Variants in CDH23 observed in about 807,000 individuals in gnomAD.
CDH23 encodes the protein cadherin-23.
In CDH23, 189 loss-of-function variants were observed where a neutral mutation model predicts 317.1. That is an observed-to-expected ratio of 0.60 (90% CI 0.53 to 0.67). The LOEUF (loss-of-function observed/expected upper bound fraction) is 0.67, where lower values mean the gene tolerates loss of function less well. CDH23 is among the 30% of genes least tolerant of loss of function. The pLI, the probability that CDH23 is intolerant of heterozygous loss-of-function variation, is 0.00. For missense variants in CDH23, 4,401 were observed against 4,592.4 expected, an observed-to-expected ratio of 0.96 and a Z score of 1.20; for synonymous variants, 1,839 against 1,876.8, an observed-to-expected ratio of 0.98 and a Z score of 0.52.
At chr10:71,442,964 G>A (rs1453948027) in intron 2 of CDH23, among the ~76,000 whole-genome samples, 1 of 152,190 alleles carries the variant, frequency 6.6e-6, no homozygotes, top group Non-Finnish European at 1.5e-5. Context: ...CGGAGGGCGA[G>A]GCAGAGGGAG....
At chr10:71,595,325 C>G (rs1466022430) in intron 9 of CDH23, among the ~76,000 whole-genome samples, 1 of 152,104 alleles carries the variant, frequency 6.6e-6, no homozygotes, top group Non-Finnish European at 1.5e-5. Flanking sequence ...AGCGATCTTT[C>G]TGTATCCCTC....
At chr10:71,516,478 AC>A (rs1356501285) in intron 6 of CDH23, among the ~76,000 whole-genome samples, 1 of 152,184 alleles carries the variant, frequency 6.6e-6, no homozygotes, top group Non-Finnish European at 1.5e-5. Flanking sequence ...CATTCCCTGT[AC>A]CTCCTTACTA....
chr10:71,674,187 A>C (rs376879085), intron 14 of CDH23, among the ~76,000 whole-genome samples: 18 of 152,328 alleles, frequency 1.2e-4, no homozygotes, highest in East Asian at 1.2e-3. Flanking sequence ...CATTTGGGAT[A>C]GAAATATATT....
At chr10:71,514,392 G>A (rs1483007139) in intron 6 of CDH23, among the ~76,000 whole-genome samples, 2 of 152,170 alleles carry the variant, frequency 1.3e-5, no homozygotes, top group South Asian at 2.1e-4. Flanking sequence ...AGGTGCTGAG[G>A]GGTAGCCAAT....
At chr10:71,692,940 C>T (rs1000165835) in intron 20 of CDH23, among the ~76,000 whole-genome samples, 28 of 152,308 alleles carry the variant, frequency 1.8e-4, no homozygotes, top group Middle Eastern at 3.4e-3. Context: ...AGCCTCACAA[C>T]GGCTCTGCAT....
intron 6 of CDH23, among the ~76,000 whole-genome samples, chr10:71,519,690 G>A (rs1854547453): frequency 6.6e-6 from 1 of 152,196 alleles, no homozygotes; most frequent in Non-Finnish European, 1.5e-5. Flanking sequence ...ACACTGAGTT[G>A]TGAAAGTTTA....
Position 71,741,927 on chromosome 10 carries a change from C to G in CDH23, c.4845+6C>G, listed in dbSNP as rs1234104078. 6.3e-7 allele frequency: 1 copy of G among 1,576,866 alleles called. No individual in the cohort carries two copies. The highest frequency in any genetic ancestry group is 1.2e-5 in the South Asian group (1 of 86,282). On this transcript the variant is annotated splice_donor_region_variant and intron_variant, in intron 38 of 69. Transcript: ENST00000224721. ...AGGGCACCCCAACCCTGTCGGTGAG[C>G]GATGGGGGTGGCCACAGGGAGGAGC...
At chr10:71,433,248 G>A (rs1849477336) in intron 1 of CDH23, among the ~76,000 whole-genome samples, 1 of 152,122 alleles carries the variant, frequency 6.6e-6, no homozygotes, top group Admixed American at 6.5e-5. Flanking sequence ...TGCTTCCTAG[G>A]GACATCCCAC....
At chr10:71,605,231 CT>C (rs2132486670) in intron 9 of CDH23, among the ~76,000 whole-genome samples, 1 of 150,806 alleles carries the variant, frequency 6.6e-6, no homozygotes, top group South Asian at 2.1e-4. Flanking sequence ...TTTAAAGGAA[CT>C]TGTATTGACC....
intron 14 of CDH23, among the ~76,000 whole-genome samples, chr10:71,650,993 C>A (rs1007269562): frequency 1.3e-5 from 2 of 152,208 alleles, no homozygotes; most frequent in African/African-American, 4.8e-5. Context: ...GTGTGCTAGG[C>A]ACATGGCCCT....
At chr10:71,513,410 A>G (rs1432889127) in intron 6 of CDH23, among the ~76,000 whole-genome samples, 1 of 152,154 alleles carries the variant, frequency 6.6e-6, no homozygotes, top group Non-Finnish European at 1.5e-5. Context: ...AATGAGCCCA[A>G]GCTTTCCTGC....
chr10:71,583,354 C>G (rs1291208735), intron 9 of CDH23, among the ~76,000 whole-genome samples: 1 of 151,174 alleles, frequency 6.6e-6, no homozygotes, highest in Non-Finnish European at 1.5e-5. Flanking sequence ...CTGGGAGCAG[C>G]AGGGGGCCAC....
At chr10:71,663,526 C>A (rs562520428) in intron 14 of CDH23, among the ~76,000 whole-genome samples, 1 of 152,250 alleles carries the variant, frequency 6.6e-6, no homozygotes, top group Admixed American at 6.5e-5. Flanking sequence ...CCTGTCTACA[C>A]CATCCTTGGA....
Position 71,812,621 on chromosome 10 carries a change from GCGGTC to G in CDH23, c.9510+13_9510+17del, listed in dbSNP as rs1841978594. 1 of 1,613,504 alleles carries G rather than the reference GCGGTC, an allele frequency of 6.2e-7. No individual in the cohort carries two copies. Among genetic ancestry groups the G allele is most frequent in the African/African-American group, 1.3e-5 (1 of 74,694 alleles). Reference sequence around the variant, plus strand: ...CCACGCGCACCCATGTGAGCCAGAGGCGGTCAGGCATCACAAGGGGCAGGGGTGGA... The same window carrying G: ...CCACGCGCACCCATGTGAGCCAGAGGAGGCATCACAAGGGGCAGGGGTGGA... On this transcript the variant is annotated intron_variant, in intron 67 of 69. Transcript: ENST00000224721.
chr10:71,792,844 AAAAAAAAAATATATATAT>A (rs1408161008), intron 47 of CDH23, among the ~76,000 whole-genome samples: 2 of 70,090 alleles, frequency 2.9e-5, no homozygotes, highest in Non-Finnish European at 5.6e-5. Context: ...AAAAAAAAAA[AAAAAAAAAATATATATAT>A]ATATATATAT....
intron 6 of CDH23, among the ~76,000 whole-genome samples, chr10:71,515,416 A>G (rs1390076840): frequency 2.0e-5 from 3 of 149,490 alleles, no homozygotes; most frequent in Non-Finnish European, 2.9e-5. Flanking sequence ...ACACACACAC[A>G]CACGCACACA....
chr10:71,544,842 G>A lies in CDH23; in HGVS notation c.430-21900G>A, dbSNP rs74900996. ...TCATTTTCAGTTGACTTCTCCGCCA[G>A]TCAGGAGCCCATCGAATGATGTTCC... is the stretch of plus-strand genomic sequence containing the variant. On this transcript the variant is annotated intron_variant, in intron 6 of 69. Transcript: ENST00000224721. Among the ~76,000 whole-genome samples, 636 of 152,322 alleles carry A rather than the reference G, an allele frequency of 4.2e-3. 7 individuals carry two copies. The highest frequency in any genetic ancestry group is 0.015 in the African/African-American group (612 of 41,572).
At chr10:71,774,045 G>GCA (rs1840757367) in intron 38 of CDH23, among the ~76,000 whole-genome samples, 3 of 42,826 alleles carry the variant, frequency 7.0e-5, no homozygotes, top group African/African-American at 1.9e-4. Context: ...GAGTGCATGC[G>GCA]CGCGCGCACA....
chr10:71,574,965 G>A (rs909418684), intron 8 of CDH23, among the ~76,000 whole-genome samples: 1 of 151,014 alleles, frequency 6.6e-6, no homozygotes, highest in Non-Finnish European at 1.5e-5. Context: ...ACCCCCCACT[G>A]CACCATGTGA....
Sources: gnomAD v4.1 joint callset for allele counts (sites outside exome capture counted in the v4.1 genomes callset) on GRCh38, gnomAD v4.1.1 for gene constraint, MANE v1.5 for transcripts, NCBI Gene and HGNC (gene_info 2026-07-23, HGNC 2026-07-21) for gene names.